Variants in SLC24A2 observed in about 807,000 individuals in gnomAD.
SLC24A2 encodes sodium/potassium/calcium exchanger 2.
Under a neutral mutation model 62.0 loss-of-function variants are expected in SLC24A2, and 36 were observed. That is an observed-to-expected ratio of 0.58 (90% CI 0.44 to 0.77). SLC24A2 has a LOEUF of 0.77. SLC24A2 is among the 30% of genes least tolerant of loss of function. The pLI is 0.00. For missense variants in SLC24A2, 846 were observed against 817.9 expected (o/e 1.03, Z -0.42); for synonymous variants, 358 against 294.0 (o/e 1.22, Z -2.23).
At chr9:20,108,591 C>G in the SLC24A2 span, among the ~76,000 whole-genome samples, 1 of 151,666 alleles carries the variant, frequency 6.6e-6, no homozygotes, top group African/African-American at 2.4e-5. Flanking sequence ...AGTAAACTAT[C>G]GCAAGAACAA....
the SLC24A2 span, among the ~76,000 whole-genome samples, chr9:20,035,178 T>C: frequency 6.6e-6 from 1 of 152,166 alleles, no homozygotes; most frequent in Non-Finnish European, 1.5e-5. Context: ...TTAAGGTCTC[T>C]GAACATCCAC....
At chr9:19,561,786 A>G (rs55712346) in intron 7 of SLC24A2, among the ~76,000 whole-genome samples, 5,529 of 72,832 alleles carry the variant, frequency 0.076, 146 homozygotes, top group South Asian at 0.13. Context: ...AGAAAATAGT[A>G]TACTCCCTTT....
chr9:19,544,452 G>C (rs1834445761), intron 8 of SLC24A2, among the ~76,000 whole-genome samples: 1 of 152,052 alleles, frequency 6.6e-6, no homozygotes, highest in Non-Finnish European at 1.5e-5. Flanking sequence ...ATTGTTATGT[G>C]TGAATTTGAT....
At chr9:20,010,153 C>T in the SLC24A2 span, among the ~76,000 whole-genome samples, 1 of 152,236 alleles carries the variant, frequency 6.6e-6, no homozygotes, top group East Asian at 1.9e-4. Flanking sequence ...CAAGAAGCAA[C>T]CCAGCCCAAC....
At chr9:19,832,579 CA>C in the SLC24A2 span, among the ~76,000 whole-genome samples, 1 of 152,106 alleles carries the variant, frequency 6.6e-6, no homozygotes, top group African/African-American at 2.4e-5. Flanking sequence ...ACACCTTATA[CA>C]AAAATTAATT....
the SLC24A2 span, among the ~76,000 whole-genome samples, chr9:19,834,776 G>C: frequency 6.6e-6 from 1 of 152,164 alleles, no homozygotes; most frequent in Non-Finnish European, 1.5e-5. Flanking sequence ...ATAATCGTCA[G>C]ATTCACCAAA....
rs138519943 is a variant in SLC24A2 at position 19,713,745 on chromosome 9, T to C, written c.930+72192A>G. Among the ~76,000 whole-genome samples, 793 of 152,294 alleles carry C rather than the reference T, an allele frequency of 5.2e-3. 6 individuals are homozygous for C. Among genetic ancestry groups the C allele is most frequent in the African/African-American group, 0.018 (749 of 41,572 alleles). On this transcript the variant is annotated intron_variant, in intron 2 of 10. Transcript: ENST00000341998. ...ACTCCAGCCCTAGGAAATTTAATCA[T>C]GTGCTGAAGTCCTTACTTACTGGTA...
At chr9:19,551,122 C>G (rs1187204175) in intron 7 of SLC24A2, among the ~76,000 whole-genome samples, 2 of 152,240 alleles carry the variant, frequency 1.3e-5, no homozygotes, top group Non-Finnish European at 2.9e-5. Context: ...CTCTTCATTT[C>G]TCCCTGTCAC....
At chr9:20,160,296 T>C in the SLC24A2 span, among the ~76,000 whole-genome samples, 3 of 151,556 alleles carry the variant, frequency 2.0e-5, no homozygotes, top group East Asian at 3.9e-4. Context: ...GTGTAAAGAA[T>C]AATTACTCAT....
At chr9:19,788,804 ACGGGATGCGCGCAAC>A (rs1218827880) in intron 1 of SLC24A2, 66 bp downstream of exon 1, 6 of 985,306 alleles carry the variant, frequency 6.1e-6, no homozygotes, top group Admixed American at 1.2e-4. Flanking sequence ...CAGAGCAGCA[ACGGGATGCGCGCAAC>A]CGGGATGCGG....
chr9:19,999,080 T>C, the SLC24A2 span, among the ~76,000 whole-genome samples: 1 of 152,220 alleles, frequency 6.6e-6, no homozygotes, highest in Non-Finnish European at 1.5e-5. Flanking sequence ...ATCCCCAATT[T>C]GTTCATCTGT....
chr9:19,776,878 C>T (rs1047394083), intron 2 of SLC24A2, among the ~76,000 whole-genome samples: 1 of 152,162 alleles, frequency 6.6e-6, no homozygotes, highest in Non-Finnish European at 1.5e-5. Flanking sequence ...TCTGTTAGGT[C>T]ACTGAGGGTG....
intron 7 of SLC24A2, among the ~76,000 whole-genome samples, chr9:19,558,769 T>TCCCTCCTC (rs893887253): frequency 5.9e-5 from 9 of 152,138 alleles, no homozygotes; most frequent in Admixed American, 1.3e-4. Flanking sequence ...TCTTCCTACC[T>TCCCTCCTC]CCCTCCTCTT....
At chr9:19,669,817 G>C (rs969523279) in intron 2 of SLC24A2, among the ~76,000 whole-genome samples, 1 of 152,160 alleles carries the variant, frequency 6.6e-6, no homozygotes, top group South Asian at 2.1e-4. Context: ...CAGCTGATTA[G>C]CAACCTTAAT....
At chr9:20,206,262 G>A in the SLC24A2 span, among the ~76,000 whole-genome samples, 132 of 152,256 alleles carry the variant, frequency 8.7e-4, no homozygotes, top group African/African-American at 3.0e-3. Context: ...ACATAACTGT[G>A]TCAGGCTGGA....
chr9:20,067,690 T>A, the SLC24A2 span, among the ~76,000 whole-genome samples: 1 of 152,198 alleles, frequency 6.6e-6, no homozygotes. Flanking sequence ...TCCAGCTTTA[T>A]CCATGTTGCT....
chr9:19,560,944 G>GAGACAGAC (rs1554677554), intron 7 of SLC24A2, among the ~76,000 whole-genome samples: 1 of 143,118 alleles, frequency 7.0e-6, no homozygotes, highest in African/African-American at 2.6e-5. Context: ...GAGAGAGAGA[G>GAGACAGAC]AGACAGAGTC....
the SLC24A2 span, among the ~76,000 whole-genome samples, chr9:19,894,685 G>A: frequency 6.6e-6 from 1 of 152,006 alleles, no homozygotes; most frequent in African/African-American, 2.4e-5. Context: ...TGGGAGAAGA[G>A]AGAAAACAGA....
chr9:19,883,352 G>T, the SLC24A2 span, among the ~76,000 whole-genome samples: 1 of 152,110 alleles, frequency 6.6e-6, no homozygotes, highest in Admixed American at 6.6e-5. Flanking sequence ...TTCCTAAATT[G>T]TGTACAAATC....
Sources: allele counts gnomAD v4.1 joint callset (sites outside exome capture counted in the v4.1 genomes callset), GRCh38; gene constraint gnomAD v4.1.1; transcripts MANE v1.5; gene names NCBI Gene and HGNC (gene_info 2026-07-23, HGNC 2026-07-21).